Variants in PSTPIP2 observed in about 807,000 individuals in gnomAD.
The protein encoded by PSTPIP2 is proline-serine-threonine phosphatase interacting protein 2, also known as proline-serine-threonine phosphatase-interacting protein 2.
A neutral mutation model predicts 63.3 loss-of-function variants in PSTPIP2; 33 were observed. The ratio of observed to expected loss-of-function variants is 0.52; its 90% CI spans 0.40 to 0.70. The LOEUF (loss-of-function observed/expected upper bound fraction) is 0.70, where lower values mean the gene tolerates loss of function less well. PSTPIP2 is among the 30% of genes least tolerant of loss of function. The probability of loss-of-function intolerance (pLI) is 0.00; values close to 1 mark genes in which losing one functional copy is unlikely to be tolerated. For synonymous variants in PSTPIP2, 125 were observed against 132.7 expected, an observed-to-expected ratio of 0.94 and a Z score of 0.40; for missense variants, 312 against 400.7, an observed-to-expected ratio of 0.78 and a Z score of 1.89.
Position 45,990,743 on chromosome 18 carries a change from G to T in PSTPIP2, c.934C>A (p.Pro312Thr). 1 of 1,605,906 alleles carries T rather than the reference G, an allele frequency of 6.2e-7. No homozygotes were observed. The highest frequency in any genetic ancestry group is 8.5e-7 in the Non-Finnish European group (1 of 1,173,340). Residue 312 changes from proline to threonine, a missense_variant, in exon 13 of 15, where the codon CCA (proline) becomes ACA (threonine). Coordinates refer to ENST00000409746, the MANE Select transcript of PSTPIP2 (RefSeq NM_024430.4). ...ATACCTGGTGAGCTTTTAGGAATTG[G>T]GAGGGGTCCTCTCCTGTAAGAAATG... ...GPNLARRGPL[P>T]IPKSSPDDPN... is the part of the protein sequence containing the mutation.
intron 3 of PSTPIP2, among the ~76,000 whole-genome samples, chr18:46,023,851 T>TAC (rs1027418657): frequency 2.6e-5 from 4 of 151,014 alleles, no homozygotes; most frequent in East Asian, 2.0e-4. Flanking sequence ...ACACATACAA[T>TAC]ACACACACAC....
chr18:46,017,537 C>T (rs1341078371), intron 3 of PSTPIP2, among the ~76,000 whole-genome samples: 1 of 152,054 alleles, frequency 6.6e-6, no homozygotes, highest in East Asian at 1.9e-4. Context: ...CCTTCTCATC[C>T]TATTCTCCAT....
At chr18:46,004,542 C>A (rs2051704124) in intron 6 of PSTPIP2, among the ~76,000 whole-genome samples, 1 of 152,148 alleles carries the variant, frequency 6.6e-6, no homozygotes, top group Non-Finnish European at 1.5e-5. Flanking sequence ...GGTAAGCAAT[C>A]AAGATTCAAA....
chr18:46,051,961 C>T (rs971326161), intron 1 of PSTPIP2, among the ~76,000 whole-genome samples: 2 of 152,220 alleles, frequency 1.3e-5, no homozygotes, highest in Non-Finnish European at 2.9e-5. Context: ...GCAGACCCCA[C>T]GGGTCTCCTC....
chr18:45,994,453 C>T (rs576741474), intron 9 of PSTPIP2, among the ~76,000 whole-genome samples: 5 of 152,270 alleles, frequency 3.3e-5, no homozygotes, highest in African/African-American at 1.2e-4. Flanking sequence ...GGTTCTCATA[C>T]TTGAATTCAC....
At chr18:46,072,109 G>A (rs1006704685) in intron 1 of PSTPIP2, 47 bp downstream of exon 1, 3 of 1,514,274 alleles carry the variant, frequency 2.0e-6, no homozygotes, top group African/African-American at 2.9e-5. Context: ...CCTCCCGCCC[G>A]GGCCGGGTCC....
intron 1 of PSTPIP2, among the ~76,000 whole-genome samples, chr18:46,045,095 G>T (rs1908335339): frequency 6.6e-6 from 1 of 152,238 alleles, no homozygotes; most frequent in Non-Finnish European, 1.5e-5. Flanking sequence ...GTGGAAGTCA[G>T]TGTGGCGATT....
chr18:46,022,902 T>C (rs1274243153), intron 3 of PSTPIP2, among the ~76,000 whole-genome samples: 1 of 152,184 alleles, frequency 6.6e-6, no homozygotes, highest in African/African-American at 2.4e-5. Flanking sequence ...AAAGAAAATG[T>C]GGTACATATA....
intron 1 of PSTPIP2, among the ~76,000 whole-genome samples, chr18:46,071,925 G>A (rs1909407975): frequency 6.6e-6 from 1 of 152,086 alleles, no homozygotes; most frequent in African/African-American, 2.4e-5. Context: ...GCGGGCACGC[G>A]GTGGGTAGCG....
At chr18:46,057,515 A>T (rs1185921823) in intron 1 of PSTPIP2, among the ~76,000 whole-genome samples, 2 of 151,642 alleles carry the variant, frequency 1.3e-5, no homozygotes, top group Admixed American at 1.3e-4. Flanking sequence ...TTTTTAGTAG[A>T]GATGGGATTT....
intron 1 of PSTPIP2, among the ~76,000 whole-genome samples, chr18:46,053,688 T>C (rs1908655226): frequency 6.6e-6 from 1 of 152,216 alleles, no homozygotes; most frequent in Non-Finnish European, 1.5e-5. Context: ...TTATAGAAGC[T>C]GTAGTCATAA....
In PSTPIP2 at chr18:45,990,754, C is replaced by G; in HGVS notation, c.923G>C (p.Arg308Thr). The G allele has an allele frequency of 6.2e-7, 1 of 1,602,630 alleles. No individual in the cohort carries two copies. The highest frequency in any genetic ancestry group is 8.5e-7 in the Non-Finnish European group (1 of 1,171,678). Reference sequence around the variant, plus strand: ...GCTTTTAGGAATTGGGAGGGGTCCTCTCCTGTAAGAAATGAAAACCAAAGT... The same window carrying G: ...GCTTTTAGGAATTGGGAGGGGTCCTGTCCTGTAAGAAATGAAAACCAAAGT... ...GKATGPNLAR[R>T]GPLPIPKSSP... The change falls in exon 13 of 15, where the codon AGA becomes ACA. Residue 308 changes from arginine (R) to threonine (T), a missense_variant and splice_region_variant. Transcript: ENST00000409746.
chr18:46,049,276 C>T (rs1426011171), intron 1 of PSTPIP2, among the ~76,000 whole-genome samples: 1 of 151,908 alleles, frequency 6.6e-6, no homozygotes, highest in Admixed American at 6.6e-5. Flanking sequence ...CACATGGACA[C>T]ATAGAGGGGA....
At chr18:46,050,058 G>A (rs1252553037) in intron 1 of PSTPIP2, among the ~76,000 whole-genome samples, 1 of 152,090 alleles carries the variant, frequency 6.6e-6, no homozygotes, top group African/African-American at 2.4e-5. Context: ...ATTAGGAAAG[G>A]TTGAAAATTT....
intron 2 of PSTPIP2, chr18:46,028,281 G>A: frequency 2.2e-6 from 1 of 446,510 alleles, no homozygotes; most frequent in Admixed American, 3.2e-5. Context: ...GAACCGCAGC[G>A]AAGCCGAAGC....
intron 10 of PSTPIP2, 150 bp downstream of exon 10, chr18:45,993,455 T>C (rs2051560453): frequency 4.6e-6 from 3 of 655,852 alleles, no homozygotes; most frequent in Non-Finnish European, 8.0e-6. Flanking sequence ...TTACATGTTA[T>C]CTGCATCCTT....
At chr18:46,063,323 A>G (rs1251205770) in intron 1 of PSTPIP2, among the ~76,000 whole-genome samples, 1 of 152,190 alleles carries the variant, frequency 6.6e-6, no homozygotes, top group Non-Finnish European at 1.5e-5. Flanking sequence ...CATATTGAGT[A>G]AAACTTGGAC....
chr18:46,034,961 C>T (rs922332297), intron 2 of PSTPIP2, among the ~76,000 whole-genome samples: 12 of 152,146 alleles, frequency 7.9e-5, no homozygotes, highest in African/African-American at 2.9e-4. Context: ...TTATAGTTCT[C>T]ATTTTCTGCT....
At chr18:46,034,907 T>G (rs1907910699) in intron 2 of PSTPIP2, among the ~76,000 whole-genome samples, 1 of 152,192 alleles carries the variant, frequency 6.6e-6, no homozygotes, top group South Asian at 2.1e-4. Flanking sequence ...ATAATCTCAT[T>G]TAATCATCTC....
Sources: allele counts gnomAD v4.1 joint callset (sites outside exome capture counted in the v4.1 genomes callset), GRCh38; gene constraint gnomAD v4.1.1; transcripts MANE v1.5; gene names NCBI Gene and HGNC (gene_info 2026-07-23, HGNC 2026-07-21).